SRFBP1: variants seen among roughly 807,000 people sequenced by gnomAD.
The protein encoded by SRFBP1 is serum response factor-binding protein 1.
In SRFBP1, 47 loss-of-function variants were observed where a neutral mutation model predicts 45.5. The ratio of observed to expected loss-of-function variants is 1.03; its 90% CI spans 0.82 to 1.32. SRFBP1 has a LOEUF of 1.32. Among genes scored for constraint, SRFBP1 ranks in the 40% most tolerant of loss-of-function variants. The probability of loss-of-function intolerance (pLI) is 0.00; values close to 1 mark genes in which losing one functional copy is unlikely to be tolerated. For missense variants in SRFBP1, 621 were observed against 484.6 expected (o/e 1.28, Z -2.64); for synonymous variants, 203 against 166.3 (o/e 1.22, Z -1.70).
intron 1 of SRFBP1, 87 bp downstream of exon 1, chr5:121,962,155 G>T: frequency 2.6e-6 from 4 of 1,549,256 alleles, no homozygotes; most frequent in Non-Finnish European, 3.5e-6. Context: ...GGGCATAGAG[G>T]GTGCGGTTGG....
At chr5:121,999,979 G>A (rs938126361) in intron 4 of SRFBP1, among the ~76,000 whole-genome samples, 2 of 152,034 alleles carry the variant, frequency 1.3e-5, no homozygotes, top group African/African-American at 2.4e-5. Context: ...CCAGTTAGCA[G>A]TTGTTTTCTA....
chr5:121,987,265 C>T (rs1752537006), intron 3 of SRFBP1, among the ~76,000 whole-genome samples: 1 of 152,072 alleles, frequency 6.6e-6, no homozygotes, highest in Non-Finnish European at 1.5e-5. Flanking sequence ...CCCAGTATCA[C>T]ATGTCTCTGA....
Position 122,022,385 on chromosome 5 carries a change from G to A in SRFBP1, c.1083G>A (p.Gln361=). The change falls in exon 7 of 8, where the codon CAG becomes CAA. Residue 361 remains glutamine (Q), a synonymous_variant. Coordinates refer to ENST00000339397, the MANE Select transcript of SRFBP1 (RefSeq NM_152546.3). ...CTTCTTTTAGAAATTTCAAAGAACA[G>A]GCTCCAAAAACAAGATCCCTAGGTA... ...SKSSRRNFKE[Q]APKTRSLDFP... 2 of 1,611,404 alleles carry A rather than the reference G, an allele frequency of 1.2e-6. No individual in the cohort carries two copies. Among genetic ancestry groups the A allele is most frequent in the Non-Finnish European group, 1.7e-6 (2 of 1,178,884 alleles).
chr5:122,076,762 CGTCCCACTTCCCAGCTCTT>C, downstream of SRFBP1: 14 of 706,148 alleles, frequency 2.0e-5, no homozygotes, highest in South Asian at 1.9e-4. Context: ...CAGGAGGTCA[CGTCCCACTTCCCAGCTCTT>C]GTCCCACTTC....
At chr5:122,057,469 G>C (rs1754102218) in intron 2 of SRFBP1, among the ~76,000 whole-genome samples, 2 of 150,998 alleles carry the variant, frequency 1.3e-5, no homozygotes, top group African/African-American at 4.9e-5. Flanking sequence ...CTGTGTGTGT[G>C]TGTGTGTGTG....
In SRFBP1 at chr5:121,974,191, C is replaced by A; in HGVS notation, c.37-5C>A. On this transcript the variant is annotated splice_region_variant and splice_polypyrimidine_tract_variant and intron_variant, in intron 1 of 7. Coordinates refer to ENST00000339397, the MANE Select transcript of SRFBP1 (RefSeq NM_152546.3). ...TTCTTCTAATTATTGCTTTATTCTT[C>A]AAAGGTTGTGAAGATGAGAAAAGAA... is the stretch of plus-strand genomic sequence containing the variant. 1 of 1,605,586 alleles carries A rather than the reference C, an allele frequency of 6.2e-7. No individual in the cohort carries two copies. The highest frequency in any genetic ancestry group is 8.5e-7 in the Non-Finnish European group (1 of 1,173,630).
chr5:122,051,752 A>G (rs914425483), intron 2 of SRFBP1, among the ~76,000 whole-genome samples: 17 of 152,096 alleles, frequency 1.1e-4, no homozygotes, highest in African/African-American at 4.1e-4. Flanking sequence ...GCACATTTAC[A>G]TTCAAGGCGA....
At chr5:122,039,602 A>G (rs994136144) in intron 2 of SRFBP1, among the ~76,000 whole-genome samples, 1 of 152,166 alleles carries the variant, frequency 6.6e-6, no homozygotes, top group African/African-American at 2.4e-5. Context: ...TTCTTCCATT[A>G]TATCCCAGAC....
rs957639510 is a variant in SRFBP1 at position 122,027,929 on chromosome 5, T to A, written c.*803T>A. 1 of 152,152 alleles carries A rather than the reference T, an allele frequency of 6.6e-6. No homozygotes were observed. Among genetic ancestry groups the A allele is most frequent in the Non-Finnish European group, 1.5e-5 (1 of 68,020 alleles). 9.4% of individuals were successfully genotyped at this position (152,152 alleles called of 1,614,324 possible). Reference sequence around the variant, plus strand: ...AAATATTTCCATTAAATCAAGAATGTATATTATCTAGTTTTTACTATACTT... The same window carrying A: ...AAATATTTCCATTAAATCAAGAATGAATATTATCTAGTTTTTACTATACTT... On this transcript the variant is annotated 3_prime_UTR_variant, in exon 8 of 8. Coordinates refer to ENST00000339397, the MANE Select transcript of SRFBP1 (RefSeq NM_152546.3).
At position 122,073,788 on chromosome 5, in the gene SRFBP1, A is replaced by G. The variant is rs3792803; in HGVS notation, n.312-1527A>G. Among the ~76,000 whole-genome samples, 3,403 of 152,260 alleles carry G rather than the reference A, an allele frequency of 0.022. 101 individuals are homozygous for G. The highest frequency in any genetic ancestry group is 0.061 in the African/African-American group (2,546 of 41,524). ...CCTTTTCCCAATTATTTTACATCTT[A>G]ACAACATGGACCTCAAATTGAATGC... On this transcript the variant is annotated intron_variant and non_coding_transcript_variant, in intron 2 of 2. Transcript: ENST00000504881.
At chr5:121,984,021 A>G (rs928231957) in intron 3 of SRFBP1, among the ~76,000 whole-genome samples, 1 of 151,766 alleles carries the variant, frequency 6.6e-6, no homozygotes, top group Admixed American at 6.6e-5. Flanking sequence ...AGTCAACATT[A>G]TATTCCCTAT....
chr5:122,053,400 A>T (rs1209935794), intron 2 of SRFBP1, among the ~76,000 whole-genome samples: 1 of 151,886 alleles, frequency 6.6e-6, no homozygotes, highest in East Asian at 1.9e-4. Flanking sequence ...CCAGGGGTGG[A>T]AGTGAGTGGG....
At chr5:122,075,199 A>G in intron 2 of SRFBP1, 1 of 484,364 alleles carries the variant, frequency 2.1e-6, no homozygotes, top group African/African-American at 1.9e-5. Context: ...AGCTTTAATA[A>G]GCTGGGCTTC....
In SRFBP1 at chr5:121,964,330, T is replaced by A. The variant is rs766275169; in HGVS notation, c.36+2262T>A. ...CGTCTACATTAGGTATTTCTCCTAATGCTATCCCTCCCCCTTTCCCCCCAC... is the reference window on the plus strand; with the variant it reads ...CGTCTACATTAGGTATTTCTCCTAAAGCTATCCCTCCCCCTTTCCCCCCAC... On this transcript the variant is annotated intron_variant, in intron 1 of 7. Coordinates refer to ENST00000339397, the MANE Select transcript of SRFBP1 (RefSeq NM_152546.3). Among the ~76,000 whole-genome samples, 70 of 152,200 alleles carry A rather than the reference T, an allele frequency of 4.6e-4. 1 individual carries two copies. Among genetic ancestry groups the A allele is most frequent in the Non-Finnish European group, 7.9e-4 (54 of 68,042 alleles).
At chr5:122,054,583 A>G (rs1425346408) in intron 2 of SRFBP1, among the ~76,000 whole-genome samples, 1 of 152,174 alleles carries the variant, frequency 6.6e-6, no homozygotes, top group African/African-American at 2.4e-5. Flanking sequence ...CTACAAAATC[A>G]GGTGGTAAGC....
intron 2 of SRFBP1, among the ~76,000 whole-genome samples, chr5:122,046,323 T>C (rs1482950790): frequency 6.6e-6 from 1 of 152,168 alleles, no homozygotes; most frequent in East Asian, 1.9e-4. Flanking sequence ...TGTGATAGTT[T>C]GCTGAGAATG....
At chr5:122,077,228 C>T, downstream of SRFBP1, 1 of 1,502,378 alleles carries the variant, frequency 6.7e-7, no homozygotes, top group South Asian at 1.3e-5. This position sits in a 1 kb window ranked among gnomAD's most constrained non-coding sequence, Gnocchi z 4.9. Flanking sequence ...GCTGCCACTG[C>T]AGGCGCGTGG....
At chr5:122,012,312 T>A (rs1053313863) in intron 4 of SRFBP1, among the ~76,000 whole-genome samples, 2 of 152,132 alleles carry the variant, frequency 1.3e-5, no homozygotes, top group African/African-American at 4.8e-5. Context: ...GCTAAAAATA[T>A]TAAATTTGAC....
intron 2 of SRFBP1, among the ~76,000 whole-genome samples, chr5:122,055,029 T>C (rs1327090448): frequency 6.6e-6 from 1 of 152,232 alleles, no homozygotes; most frequent in Non-Finnish European, 1.5e-5. Context: ...CTGTTGACAA[T>C]TGTTATTGTC....
Sources: gnomAD v4.1 joint callset for allele counts (sites outside exome capture counted in the v4.1 genomes callset) on GRCh38, gnomAD v4.1.1 for gene constraint, Gnocchi (gnomAD v3.1) non-coding constraint, MANE v1.5 for transcripts, NCBI Gene and HGNC (gene_info 2026-07-23, HGNC 2026-07-21) for gene names.